EXOC4: variants seen among roughly 807,000 people sequenced by gnomAD.
EXOC4 encodes the protein SEC8-like 1.
A neutral mutation model predicts 107.2 loss-of-function variants in EXOC4; 71 were observed. The observed-to-expected ratio is 0.66, with a 90% CI of 0.55 to 0.81. EXOC4 has a LOEUF of 0.81. Ranked by LOEUF, EXOC4 falls within the 30% of genes least tolerant of loss-of-function variation. EXOC4 has a pLI of 0.00. For synonymous variants in EXOC4, 456 were observed against 441.2 expected (o/e 1.03, Z -0.42); for missense variants, 1,108 against 1,189.6 (o/e 0.93, Z 1.01).
At chr7:133,364,179 G>A (rs1042825950) in intron 6 of EXOC4, among the ~76,000 whole-genome samples, 1 of 151,942 alleles carries the variant, frequency 6.6e-6, no homozygotes, top group African/African-American at 2.4e-5. Context: ...AGGCTGGAAT[G>A]TAGAGGCCCA....
intron 10 of EXOC4, among the ~76,000 whole-genome samples, chr7:133,721,744 CA>C (rs1795109908): frequency 6.6e-6 from 1 of 152,124 alleles, no homozygotes; most frequent in South Asian, 2.1e-4. Context: ...GTGTCATGAA[CA>C]GAGGCACAGT....
chr7:133,917,439 T>A, intron 12 of EXOC4, 144 bp from the exon 13 acceptor site: 1 of 705,848 alleles, frequency 1.4e-6, no homozygotes, highest in Non-Finnish European at 2.3e-6. Flanking sequence ...TTAATGGGTA[T>A]CATGGACTCC....
chr7:133,461,337 A>G (rs1488627736), intron 7 of EXOC4, among the ~76,000 whole-genome samples: 1 of 152,284 alleles, frequency 6.6e-6, no homozygotes, highest in Non-Finnish European at 1.5e-5. Flanking sequence ...TTAAATTCCA[A>G]TGAGAAGGTA....
At chr7:134,004,835 G>C (rs1794606418) in intron 15 of EXOC4, 77 bp from the exon 16 acceptor site, 2 of 1,164,286 alleles carry the variant, frequency 1.7e-6, no homozygotes, top group Non-Finnish European at 2.4e-6. Flanking sequence ...TAGTTATTTT[G>C]GTGCTCTGTC....
chr7:133,999,273 T>G (rs1335557945), intron 15 of EXOC4, among the ~76,000 whole-genome samples: 1 of 152,150 alleles, frequency 6.6e-6, no homozygotes, highest in East Asian at 1.9e-4. Context: ...AGGTGACCCT[T>G]GGGAATATGT....
intron 10 of EXOC4, among the ~76,000 whole-genome samples, chr7:133,703,143 CATT>C (rs756742639): frequency 4.5e-4 from 69 of 152,270 alleles, no homozygotes; most frequent in Non-Finnish European, 8.4e-4. Flanking sequence ...TTTTGTTCAT[CATT>C]ATCACTGAAC....
chr7:133,648,071 G>A (rs1194918292), intron 10 of EXOC4, among the ~76,000 whole-genome samples: 2 of 152,040 alleles, frequency 1.3e-5, no homozygotes, highest in African/African-American at 4.8e-5. Context: ...GGCTAATATA[G>A]GTCTAATTAC....
intron 11 of EXOC4, among the ~76,000 whole-genome samples, chr7:133,825,194 A>AG (rs1471151964): frequency 3.3e-5 from 5 of 151,808 alleles, no homozygotes; most frequent in East Asian, 1.9e-4. Flanking sequence ...TAAAAAAAAA[A>AG]AAAGAAAGAA....
chr7:134,031,422 A>G (rs536267045), intron 17 of EXOC4, among the ~76,000 whole-genome samples: 3 of 152,274 alleles, frequency 2.0e-5, no homozygotes, highest in Non-Finnish European at 2.9e-5. Flanking sequence ...GGTTATGGAA[A>G]GACAGACGCA....
At chr7:133,443,279 G>A (rs909657586) in intron 7 of EXOC4, among the ~76,000 whole-genome samples, 1 of 152,124 alleles carries the variant, frequency 6.6e-6, no homozygotes, top group Non-Finnish European at 1.5e-5. Flanking sequence ...GTTGGGTTCC[G>A]AGGAGACCCT....
intron 9 of EXOC4, among the ~76,000 whole-genome samples, chr7:133,597,330 G>T (rs1259347067): frequency 1.3e-5 from 2 of 152,050 alleles, no homozygotes; most frequent in Non-Finnish European, 2.9e-5. Context: ...GAGGCGGGTG[G>T]ATCACCTAAG....
At chr7:133,984,384 A>G (rs1794066474) in intron 14 of EXOC4, among the ~76,000 whole-genome samples, 1 of 152,216 alleles carries the variant, frequency 6.6e-6, no homozygotes, top group Non-Finnish European at 1.5e-5. Context: ...GATATTTGGA[A>G]CAATTCTTCC....
chr7:133,917,528 T>C, intron 12 of EXOC4, 55 bp from the exon 13 acceptor site: 2 of 1,550,454 alleles, frequency 1.3e-6, no homozygotes, highest in East Asian at 2.3e-5. Context: ...ATGAAAATGC[T>C]AACTGAATAC....
intron 14 of EXOC4, among the ~76,000 whole-genome samples, chr7:133,953,943 T>C (rs1432953935): frequency 2.0e-5 from 3 of 152,214 alleles, no homozygotes; most frequent in African/African-American, 7.2e-5. Flanking sequence ...ATTTGAGCCA[T>C]ATGTGAAGTA....
At chr7:133,524,031 A>C (rs1300742270) in intron 9 of EXOC4, among the ~76,000 whole-genome samples, 1 of 148,486 alleles carries the variant, frequency 6.7e-6, no homozygotes, top group Non-Finnish European at 1.5e-5. Context: ...CGACTTCCAC[A>C]ATGGTTGAAC....
the EXOC4 span, among the ~76,000 whole-genome samples, chr7:134,088,383 AT>A: frequency 6.6e-6 from 1 of 152,328 alleles, no homozygotes; most frequent in African/African-American, 2.4e-5. Flanking sequence ...GTAAACAAAT[AT>A]GCTCCAAATT....
intron 1 of EXOC4, among the ~76,000 whole-genome samples, chr7:133,257,909 T>G (rs1478466063): frequency 6.6e-6 from 1 of 152,222 alleles, no homozygotes; most frequent in South Asian, 2.1e-4. Context: ...GGGTCCAGGC[T>G]TTGACCAGGG....
At chr7:133,934,295 A>G (rs532551758) in intron 13 of EXOC4, among the ~76,000 whole-genome samples, 3 of 152,314 alleles carry the variant, frequency 2.0e-5, no homozygotes, top group South Asian at 2.1e-4. Context: ...CCTCGAAGGA[A>G]TGATTTTTTG....
chr7:133,813,475 G>A (rs961869983), intron 10 of EXOC4, among the ~76,000 whole-genome samples: 2 of 152,088 alleles, frequency 1.3e-5, no homozygotes, highest in Non-Finnish European at 2.9e-5. Flanking sequence ...TTACTCATTA[G>A]CAAATTAATA....
Sources: allele counts gnomAD v4.1 joint callset (sites outside exome capture counted in the v4.1 genomes callset), GRCh38; gene constraint gnomAD v4.1.1; transcripts MANE v1.5; gene names NCBI Gene and HGNC (gene_info 2026-07-23, HGNC 2026-07-21).